Variants in CRIM1 observed in about 807,000 individuals in gnomAD.
CRIM1 encodes the protein cysteine-rich motor neuron 1 protein.
In CRIM1, 32 loss-of-function variants were observed where a neutral mutation model predicts 116.4. That is an observed-to-expected ratio of 0.27 (90% CI 0.21 to 0.37). CRIM1 has a LOEUF of 0.37. Ranked by LOEUF, CRIM1 falls within the 10% of genes least tolerant of loss-of-function variation. CRIM1 has a pLI of 1.00. For missense variants in CRIM1, 1,331 were observed against 1,354.8 expected, an observed-to-expected ratio of 0.98 and a Z score of 0.28; for synonymous variants, 590 against 509.2, an observed-to-expected ratio of 1.16 and a Z score of -2.13.
chr2:36,476,213 A>C (rs911760438), intron 5 of CRIM1, among the ~76,000 whole-genome samples: 1 of 152,000 alleles, frequency 6.6e-6, no homozygotes, highest in Non-Finnish European at 1.5e-5. Context: ...AAGGAGCACA[A>C]GGTTTCAGTT....
intron 5 of CRIM1, among the ~76,000 whole-genome samples, chr2:36,473,003 G>A (rs1678652908): frequency 1.3e-5 from 2 of 152,138 alleles, no homozygotes; most frequent in Non-Finnish European, 2.9e-5. Flanking sequence ...CATGTAGTAC[G>A]TGTGCACACA....
At chr2:36,378,806 G>GT (rs35770990) in intron 1 of CRIM1, 8,945 of 118,856 alleles carry the variant, frequency 0.075, 955 homozygotes, top group African/African-American at 0.21. Context: ...GTTGTTTTCG[G>GT]TTTTTTTTTT....
chr2:36,517,624 AG>A (rs907743060), intron 12 of CRIM1, 82 bp downstream of exon 12: 2 of 1,405,706 alleles, frequency 1.4e-6, no homozygotes, highest in Non-Finnish European at 2.0e-6. Flanking sequence ...CCCACAGGGC[AG>A]GATCAGCCCC....
intron 7 of CRIM1, among the ~76,000 whole-genome samples, chr2:36,484,076 A>T (rs937044541): frequency 2.0e-5 from 3 of 152,208 alleles, no homozygotes; most frequent in African/African-American, 7.2e-5. Context: ...TCTGGGCTCC[A>T]TCCCTGTGTC....
Position 36,499,337 on chromosome 2 carries a change from G to T in CRIM1, c.1491G>T (p.Gln497His). The T allele has an allele frequency of 1.2e-6, 2 of 1,614,092 alleles. No homozygotes were observed. Among genetic ancestry groups the T allele is most frequent in the Non-Finnish European group, 1.7e-6 (2 of 1,179,964 alleles). Residue 497 changes from glutamine (Q) to histidine (H), a missense_variant, in exon 8 of 17, where the codon CAG (glutamine) becomes CAT (histidine). Gln to His is a conservative substitution (Grantham distance 24). Around this residue, in one of 3 missense-constraint regions of CRIM1, gnomAD observed 690 missense variants for 676.0 expected, o/e 1.02. Transcript: ENST00000280527. ...ATCACAATGGTTGTCGGACCTGTCA[G>T]TGCATAAACAGTGAGTAGACAGAAG... ...KRDHNGCRTC[Q>H]CINTEELCSE...
chr2:36,453,803 A>G (rs539885785), intron 4 of CRIM1, among the ~76,000 whole-genome samples: 9 of 152,350 alleles, frequency 5.9e-5, no homozygotes, highest in South Asian at 2.1e-4. Context: ...GCTAATTCCT[A>G]TTTGGAGAAC....
chr2:36,442,204 C>T (rs1424263511), intron 3 of CRIM1, among the ~76,000 whole-genome samples: 4 of 151,934 alleles, frequency 2.6e-5, no homozygotes, highest in African/African-American at 7.2e-5. Flanking sequence ...TTCTAATCAT[C>T]GGCCAGTTGT....
At chr2:36,387,954 T>C (rs1671294325) in intron 1 of CRIM1, among the ~76,000 whole-genome samples, 2 of 152,028 alleles carry the variant, frequency 1.3e-5, no homozygotes, top group African/African-American at 4.8e-5. Context: ...CTTAGTTCAT[T>C]CTTTTTTTTT....
intron 1 of CRIM1, among the ~76,000 whole-genome samples, chr2:36,379,742 C>CTCT (rs1448671280): frequency 2.5e-3 from 271 of 106,388 alleles, no homozygotes; most frequent in African/African-American, 9.4e-3. Flanking sequence ...TTCTTTCTCT[C>CTCT]TTTTTTTTTT....
At chr2:36,416,556 A>G (rs991663345) in intron 2 of CRIM1, among the ~76,000 whole-genome samples, 1 of 152,354 alleles carries the variant, frequency 6.6e-6, no homozygotes, top group Middle Eastern at 3.4e-3. Context: ...TGTCTTCTGA[A>G]AGGAAGAGAC....
intron 8 of CRIM1, among the ~76,000 whole-genome samples, chr2:36,504,227 C>T (rs765650411): frequency 6.6e-6 from 1 of 152,116 alleles, no homozygotes; most frequent in Non-Finnish European, 1.5e-5. Context: ...CTTCTGTCTT[C>T]GTTGATTTGT....
At chr2:36,497,032 A>G (rs1171303461) in intron 7 of CRIM1, among the ~76,000 whole-genome samples, 1 of 152,170 alleles carries the variant, frequency 6.6e-6, no homozygotes, top group Non-Finnish European at 1.5e-5. Context: ...ATTCCATACT[A>G]CCCTATGATA....
At chr2:36,446,272 C>T (rs545208857) in intron 4 of CRIM1, among the ~76,000 whole-genome samples, 1 of 152,190 alleles carries the variant, frequency 6.6e-6, no homozygotes, top group Non-Finnish European at 1.5e-5. Flanking sequence ...CATTCGGGCC[C>T]TTAACTGCCC....
At chr2:36,530,841 G>A (rs1383161742) in intron 13 of CRIM1, among the ~76,000 whole-genome samples, 11 of 152,128 alleles carry the variant, frequency 7.2e-5, no homozygotes, top group South Asian at 4.1e-4. Flanking sequence ...AGCTGTCTGC[G>A]CGTCTTTTCC....
chr2:36,538,062 C>A (rs1458469288), intron 14 of CRIM1, among the ~76,000 whole-genome samples: 2 of 152,224 alleles, frequency 1.3e-5, no homozygotes, highest in African/African-American at 4.8e-5. Flanking sequence ...CTCAGCTGAA[C>A]TGCCCATCTC....
chr2:36,407,666 C>T (rs1672909682), intron 2 of CRIM1, among the ~76,000 whole-genome samples: 1 of 144,490 alleles, frequency 6.9e-6, no homozygotes, highest in Non-Finnish European at 1.5e-5. Context: ...GGAAGTCATA[C>T]AGCGACCTTC....
chr2:36,546,842 A>G, intron 15 of CRIM1, 142 bp from the exon 16 acceptor site: 1 of 543,370 alleles, frequency 1.8e-6, no homozygotes. Context: ...TTGGATCAAC[A>G]TTAGATTTTA....
At chr2:36,507,720 A>G (rs1480696313) in intron 8 of CRIM1, among the ~76,000 whole-genome samples, 1 of 152,254 alleles carries the variant, frequency 6.6e-6, no homozygotes, top group Non-Finnish European at 1.5e-5. Flanking sequence ...AAGCAGAGGT[A>G]GATTACAGAC....
At chr2:36,378,277 T>G in intron 1 of CRIM1, 1 of 470,684 alleles carries the variant, frequency 2.1e-6, no homozygotes. Context: ...TCACATTACA[T>G]CACATTGAAG....
Sources: allele counts gnomAD v4.1 joint callset (sites outside exome capture counted in the v4.1 genomes callset), GRCh38; gene constraint gnomAD v4.1.1; regional missense constraint gnomAD v4.1.1; transcripts MANE v1.5; gene names NCBI Gene and HGNC (gene_info 2026-07-23, HGNC 2026-07-21).